The following ST3GAL1 variants were observed in gnomAD, a reference collection of about 807,000 sequenced individuals.
The protein encoded by ST3GAL1 is CMP-N-acetylneuraminate-beta-galactosamide-alpha-2,3-sialyltransferase 1.
A neutral mutation model predicts 34.1 loss-of-function variants in ST3GAL1; 16 were observed. The ratio of observed to expected loss-of-function variants is 0.47; its 90% CI spans 0.32 to 0.71. The LOEUF (loss-of-function observed/expected upper bound fraction) is 0.71. ST3GAL1 is among the 30% of genes least tolerant of loss of function. The pLI is 0.04. For missense variants in ST3GAL1, 353 were observed against 447.4 expected (o/e 0.79, Z 1.90); for synonymous variants, 191 against 184.7 (o/e 1.03, Z -0.28).
At chr8:133,519,515 T>C (rs1451171751) in intron 2 of ST3GAL1, among the ~76,000 whole-genome samples, 1 of 152,124 alleles carries the variant, frequency 6.6e-6, no homozygotes, top group Admixed American at 6.5e-5. Flanking sequence ...GAATTTAAAA[T>C]AGCATGGGGG....
chr8:133,534,886 G>T (rs1458557942), intron 2 of ST3GAL1, among the ~76,000 whole-genome samples: 1 of 152,240 alleles, frequency 6.6e-6, no homozygotes, highest in African/African-American at 2.4e-5. Context: ...CCCACAGGGT[G>T]CTCTGTGAGT....
chr8:133,528,759 A>T (rs1188584099), intron 2 of ST3GAL1, among the ~76,000 whole-genome samples: 1 of 152,244 alleles, frequency 6.6e-6, no homozygotes, highest in East Asian at 1.9e-4. Flanking sequence ...CTTTACAGAA[A>T]ACATTTGCTG....
At position 133,491,583 on chromosome 8, in the gene ST3GAL1, G is replaced by A. The variant is rs545043337; in HGVS notation, c.-374+7552C>T. ...CTTTCTCCCTAGTCCGTGACTTCAC[G>A]GAAATATTTTAATGCTACTGATTTT... On this transcript the variant is annotated intron_variant, in intron 3 of 9. Transcript: ENST00000522652. Among the ~76,000 whole-genome samples, 5 of 152,314 alleles carry A rather than the reference G, an allele frequency of 3.3e-5. No individual in the cohort carries two copies. The South Asian group carries it at 8.3e-4, about 25-fold the overall frequency.
In ST3GAL1 at chr8:133,469,417, C is replaced by T. The variant is rs140127333; in HGVS notation, c.307-3327G>A. 0.013 allele frequency among the ~76,000 whole-genome samples: 1,998 copies of T among 152,178 alleles called. 12 individuals carry two copies. Among genetic ancestry groups the T allele is most frequent in the Admixed American group, 0.018 (276 of 15,284 alleles). On this transcript the variant is annotated intron_variant, in intron 5 of 9. Transcript: ENST00000522652. The surrounding 1 kb of genome is among the most constrained non-coding windows in gnomAD (Gnocchi z 4.3). ...TATTTTTAGTAGAAACACGGTTTCA[C>T]CATGTTGGCCAGGCTGGTCTCGAAC...
intron 3 of ST3GAL1, among the ~76,000 whole-genome samples, chr8:133,492,092 C>T (rs1041337313): frequency 3.9e-5 from 6 of 152,060 alleles, no homozygotes; most frequent in African/African-American, 1.4e-4. Flanking sequence ...TGGTGAGGCT[C>T]GGGATGGACG....
intron 2 of ST3GAL1, among the ~76,000 whole-genome samples, chr8:133,539,053 G>A (rs549158338): frequency 1.3e-5 from 2 of 152,184 alleles, no homozygotes; most frequent in Non-Finnish European, 2.9e-5. Flanking sequence ...AAGGGCCACA[G>A]CCAGCCCTGC....
chr8:133,481,353 C>A (rs979122244), intron 3 of ST3GAL1, among the ~76,000 whole-genome samples: 21 of 152,218 alleles, frequency 1.4e-4, no homozygotes, highest in African/African-American at 4.8e-4. Context: ...AACAGGTAAA[C>A]CAAGATGCTT....
intron 2 of ST3GAL1, among the ~76,000 whole-genome samples, chr8:133,505,624 C>T (rs568103915): frequency 4.1e-4 from 62 of 149,492 alleles, no homozygotes; most frequent in African/African-American, 1.5e-3. Context: ...TTTTTTGAGA[C>T]GAAGTTTCAC....
intron 1 of ST3GAL1, among the ~76,000 whole-genome samples, chr8:133,564,743 G>C (rs1819342048): frequency 6.6e-6 from 1 of 152,160 alleles, no homozygotes; most frequent in South Asian, 2.1e-4. Flanking sequence ...TTTGTTGAGA[G>C]ACCTTTACTG....
At chr8:133,493,071 A>G (rs186958010) in intron 3 of ST3GAL1, among the ~76,000 whole-genome samples, 1 of 152,330 alleles carries the variant, frequency 6.6e-6, no homozygotes, top group East Asian at 1.9e-4. Context: ...GCCACCAGGT[A>G]GGCATCCAAC....
chr8:133,479,490 A>C (rs1341248625), intron 3 of ST3GAL1, among the ~76,000 whole-genome samples: 1 of 152,170 alleles, frequency 6.6e-6, no homozygotes, highest in Non-Finnish European at 1.5e-5. Flanking sequence ...TTGCCTTTAT[A>C]ATGAGCAGGG....
intron 2 of ST3GAL1, among the ~76,000 whole-genome samples, chr8:133,526,646 G>A (rs934703166): frequency 6.6e-6 from 1 of 152,052 alleles, no homozygotes; most frequent in Non-Finnish European, 1.5e-5. Flanking sequence ...GTAATTACAG[G>A]GCAAGAAGAA....
At position 133,570,575 on chromosome 8, in the gene ST3GAL1, C is replaced by T. The variant is rs115785988; in HGVS notation, c.-582+1118G>A. ...CGAGCAGAGCCAGACGATCCCCACA[C>T]GCTTCCTGGGAGACCCGGCTGCAAG... is the stretch of plus-strand genomic sequence containing the variant. On this transcript the variant is annotated intron_variant, in intron 1 of 9. Transcript: ENST00000522652. This position sits in a 1 kb window ranked among gnomAD's most constrained non-coding sequence, Gnocchi z 5.6. Among the ~76,000 whole-genome samples, 3,089 of 152,252 alleles carry T rather than the reference C, an allele frequency of 0.02. 119 individuals carry two copies. Among genetic ancestry groups the T allele is most frequent in the African/African-American group, 0.066 (2,742 of 41,530 alleles).
chr8:133,495,561 C>T (rs1362377885), intron 3 of ST3GAL1, among the ~76,000 whole-genome samples: 3 of 152,178 alleles, frequency 2.0e-5, no homozygotes, highest in African/African-American at 4.8e-5. Context: ...TCTTGCATTC[C>T]TACACATCTT....
At chr8:133,561,170 G>C (rs1413544683) in intron 1 of ST3GAL1, among the ~76,000 whole-genome samples, 2 of 131,966 alleles carry the variant, frequency 1.5e-5, no homozygotes, top group Non-Finnish European at 3.1e-5. Context: ...AAAATTTCAA[G>C]CAAGATCCCC....
At chr8:133,550,888 G>A (rs1423954829) in intron 1 of ST3GAL1, among the ~76,000 whole-genome samples, 3 of 152,178 alleles carry the variant, frequency 2.0e-5, no homozygotes, top group African/African-American at 7.2e-5. Context: ...ATAAGAGAGT[G>A]TATTCTCCAA....
Position 133,532,416 on chromosome 8 carries a change from C to A in ST3GAL1, c.-429+13358G>T, listed in dbSNP as rs1230508493. On this transcript the variant is annotated intron_variant, in intron 2 of 9. Transcript: ENST00000522652. ...CGGAGGTTGCAGTGAGCCGAGATTGCACCACTGCACTCCAGCCTGGGTAAC... is the reference window on the plus strand; with the variant it reads ...CGGAGGTTGCAGTGAGCCGAGATTGAACCACTGCACTCCAGCCTGGGTAAC... Among the ~76,000 whole-genome samples, 4 of 151,982 alleles carry A rather than the reference C, an allele frequency of 2.6e-5. No individual in the cohort carries two copies. In the East Asian group the frequency reaches 7.7e-4, roughly 29 times the overall value.
At chr8:133,498,233 T>G (rs1005327061) in intron 3 of ST3GAL1, among the ~76,000 whole-genome samples, 2 of 152,216 alleles carry the variant, frequency 1.3e-5, no homozygotes, top group Non-Finnish European at 2.9e-5. Flanking sequence ...GTGTGCCTGC[T>G]GGGAGCAGTG....
At chr8:133,497,482 T>G (rs1260876967) in intron 3 of ST3GAL1, among the ~76,000 whole-genome samples, 1 of 140,278 alleles carries the variant, frequency 7.1e-6, no homozygotes, top group South Asian at 2.4e-4. Flanking sequence ...TTTTTTTTTT[T>G]TTTTGTGAGA....
Sources: allele counts gnomAD v4.1 joint callset (sites outside exome capture counted in the v4.1 genomes callset), GRCh38; gene constraint gnomAD v4.1.1; non-coding constraint Gnocchi (gnomAD v3.1); transcripts MANE v1.5; gene names NCBI Gene and HGNC (gene_info 2026-07-23, HGNC 2026-07-21).